MTA1: variants seen among roughly 807,000 people sequenced by gnomAD.
The protein encoded by MTA1 is metastasis-associated protein MTA1.
In MTA1, 15 loss-of-function variants were observed where a neutral mutation model predicts 97.0. The ratio of observed to expected loss-of-function variants is 0.15; its 90% confidence interval spans 0.10 to 0.24. The LOEUF is 0.24. Ranked by LOEUF, MTA1 falls within the 10% of genes least tolerant of loss-of-function variation. The pLI is 1.00. For missense variants in MTA1, 709 were observed against 1,015.1 expected, an observed-to-expected ratio of 0.70 and a Z score of 4.10; for synonymous variants, 435 against 417.5, an observed-to-expected ratio of 1.04 and a Z score of -0.51.
In MTA1 at chr14:105,470,248, C is replaced by G. The variant is rs587728435; in HGVS notation, c.*33C>G. The G allele has an allele frequency of 2.8e-6, 4 of 1,434,946 alleles. No homozygotes were observed. The highest frequency in any genetic ancestry group is 9.1e-7 in the Non-Finnish European group (1 of 1,100,598). 88.9% of individuals were successfully genotyped at this position (1,434,946 alleles called of 1,614,324 possible). On this transcript the variant is annotated 3_prime_UTR_variant, in exon 21 of 21. Transcript: ENST00000331320. ...CCCCACCTGCGGCCGCCCCCCGCCC[C>G]TCGCCCGCCCACACGGCCCCTTCCC...
At chr14:105,441,840 A>G (rs1413748303) in intron 2 of MTA1, among the ~76,000 whole-genome samples, 1 of 152,200 alleles carries the variant, frequency 6.6e-6, no homozygotes, top group Non-Finnish European at 1.5e-5. Context: ...GGGCCAGTGC[A>G]GGGAACAGAA....
intron 1 of MTA1, among the ~76,000 whole-genome samples, chr14:105,432,816 T>C (rs781947644): frequency 2.6e-5 from 4 of 152,232 alleles, no homozygotes; most frequent in Non-Finnish European, 4.4e-5. Flanking sequence ...AGGCAAAGTC[T>C]GCATTGCCAC....
At chr14:105,466,402 T>C (rs1555432784) in intron 16 of MTA1, 24 bp from the exon 17 acceptor site, 1 of 1,591,362 alleles carries the variant, frequency 6.3e-7, no homozygotes, top group Non-Finnish European at 8.6e-7. Flanking sequence ...AGGCAACTCG[T>C]TCTGCCTGTG....
chr14:105,468,040 C>T (rs1012531669), intron 18 of MTA1: 11 of 336,044 alleles, frequency 3.3e-5, no homozygotes, highest in Non-Finnish European at 5.9e-5. Context: ...AGAGGAAGCG[C>T]CTGTCCTGAC....
In MTA1 at chr14:105,460,912, G is replaced by A; in HGVS notation, c.901G>A (p.Glu301Lys). ...SEANLFEEAL[E>K]KYGKDFTDIQ... ...GGCCAACCTTTTCGAGGAAGCCCTG[G>A]AAAAATATGGGAAGGATTTCACGGA... The change falls in exon 10 of 21, where the codon GAA becomes AAA. Residue 301 changes from glutamate (E) to lysine (K), a missense_variant. Glu to Lys is a moderately conservative substitution (Grantham distance 56). Transcript: ENST00000331320. 6.2e-7 allele frequency: 1 copy of A among 1,612,752 alleles called. No homozygotes were observed. The highest frequency in any genetic ancestry group is 1.1e-5 in the South Asian group (1 of 90,916).
chr14:105,468,192 C>T (rs911139589), intron 18 of MTA1: 12 of 756,162 alleles, frequency 1.6e-5, no homozygotes, highest in Non-Finnish European at 2.4e-5. Context: ...TGCCTGCCCA[C>T]AGCACGGGGC....
In MTA1 at chr14:105,420,087, C is replaced by T; in HGVS notation, c.28+24C>T. ...AGGTAAGGCCGCACCGCCTTTATGC[C>T]CGGCCCCGACCCGCCCGCAGCCCCC... On this transcript the variant is annotated intron_variant, in intron 1 of 20. Transcript: ENST00000331320. This position sits in a 1 kb window ranked among gnomAD's most constrained non-coding sequence, Gnocchi z 5.3. The T allele has an allele frequency of 1.9e-6, 2 of 1,046,162 alleles. No homozygotes were observed. Among genetic ancestry groups the T allele is most frequent in the Admixed American group, 4.8e-5 (1 of 20,910 alleles). The allele number at this position is 1,046,162 out of a possible 1,614,324, so 64.8% of individuals were successfully genotyped here. A position where few individuals can be genotyped will look rare whatever the true frequency, so the allele number is the denominator to read the frequency against.
rs147236523 is a variant in MTA1, at chr14:105,456,999, G to A, written c.551-1271G>A. On this transcript the variant is annotated intron_variant, in intron 7 of 20. Coordinates refer to ENST00000331320, the MANE Select transcript of MTA1 (RefSeq NM_004689.4). The stretch of plus-strand genomic sequence containing the variant: ...AGCCAGTGCCCCTTAGCGAGGGATA[G>A]CATTTTCTTGGGGACTTTCTAGTCT... Among the ~76,000 whole-genome samples the A allele has an allele frequency of 1.4e-3, 213 of 152,380 alleles. 1 individual carries two copies. The highest frequency in any genetic ancestry group is 2.2e-3 in the Admixed American group (34 of 15,310).
Position 105,465,189 on chromosome 14 carries a change from C to T in MTA1, c.1624+6C>T. 4 of 1,513,138 alleles carry T rather than the reference C, an allele frequency of 2.6e-6. No homozygotes were observed. The South Asian group carries it at 3.6e-5, about 14-fold the overall frequency. The allele number at this position is 1,513,138 out of a possible 1,614,324, so 93.7% of individuals were successfully genotyped here. On this transcript the variant is annotated splice_donor_region_variant and intron_variant, in intron 16 of 20. Coordinates refer to ENST00000331320, the MANE Select transcript of MTA1 (RefSeq NM_004689.4). ...AGCCGTGCTTCGGTATCTTGGTGAG[C>T]AGCCAGGCGTGCTGGGGGGCTCCCA...
intron 18 of MTA1, chr14:105,468,483 C>A: frequency 1.2e-6 from 1 of 840,730 alleles, no homozygotes; most frequent in Non-Finnish European, 1.7e-6. Context: ...CCCTGCCCGG[C>A]AGAGCTAAGC....
chr14:105,462,495 C>A (rs187655765), intron 10 of MTA1, among the ~76,000 whole-genome samples: 3 of 151,116 alleles, frequency 2.0e-5, no homozygotes, highest in Non-Finnish European at 4.4e-5. Context: ...CTTGAACCCC[C>A]GGGGGTGGAA....
At position 105,427,939 on chromosome 14, in the gene MTA1, G is replaced by T. The variant is rs189974566; in HGVS notation, c.28+7876G>T. ...AGGCCGAGGCATGAGAATCACTTGC[G>T]TGCAGGACGCAGAGGTTGCAGTGAG... On this transcript the variant is annotated intron_variant, in intron 1 of 20. Coordinates refer to ENST00000331320, the MANE Select transcript of MTA1 (RefSeq NM_004689.4). Among the ~76,000 whole-genome samples, 13 of 148,700 alleles carry T rather than the reference G, an allele frequency of 8.7e-5. 1 individual carries two copies. The highest frequency in any genetic ancestry group is 3.4e-4 in the African/African-American group (13 of 38,728).
At chr14:105,454,412 CAT>C in intron 7 of MTA1, 102 bp downstream of exon 7, 1 of 835,182 alleles carries the variant, frequency 1.2e-6, no homozygotes, top group Middle Eastern at 3.4e-4. Flanking sequence ...GTCAGTGATT[CAT>C]GTGTGACTGG....
At chr14:105,440,424 G>C (rs1555425354) in intron 2 of MTA1, among the ~76,000 whole-genome samples, 3 of 152,244 alleles carry the variant, frequency 2.0e-5, no homozygotes, top group African/African-American at 7.2e-5. Flanking sequence ...AGGCAACCCG[G>C]GGCGGGAGGC....
chr14:105,445,708 G>A lies in MTA1; in HGVS notation c.190+197G>A, dbSNP rs979829736. 5.7e-5 allele frequency: 40 copies of A among 703,616 alleles called. 1 individual carries two copies. The highest frequency in any genetic ancestry group is 1.0e-4 in the Non-Finnish European group (39 of 380,012). 43.6% of individuals were successfully genotyped at this position (703,616 alleles called of 1,614,324 possible). A position where few individuals can be genotyped will look rare whatever the true frequency, so the allele number is the denominator to read the frequency against. On this transcript the variant is annotated intron_variant, in intron 3 of 20. Transcript: ENST00000331320. The stretch of plus-strand genomic sequence containing the variant: ...GGCTCCGTTTCCTCGGGGGCTGGGT[G>A]AATGAAGTCCTCGCACGCCCCCCGG...
chr14:105,439,323 T>A (rs1457369941), intron 2 of MTA1, among the ~76,000 whole-genome samples: 1 of 151,746 alleles, frequency 6.6e-6, no homozygotes, highest in Non-Finnish European at 1.5e-5. Flanking sequence ...CTGCCATGAG[T>A]CCTTGGCAGT....
chr14:105,469,022 G>A, intron 18 of MTA1: 1 of 365,906 alleles, frequency 2.7e-6, no homozygotes, highest in Non-Finnish European at 5.5e-6. Context: ...GCCGGGGCTG[G>A]CGGCTCTCTC....
intron 18 of MTA1, chr14:105,468,866 C>G (rs1025485913): frequency 7.2e-6 from 2 of 278,424 alleles, no homozygotes; most frequent in African/African-American, 2.3e-5. Context: ...GGAGCATGGA[C>G]CCCGCTTCTT....
At position 105,464,066 on chromosome 14, in the gene MTA1, AACG is replaced by A. The variant is rs782039275; in HGVS notation, c.1112_1114del (p.Asn371_Val372delinsIle). The A allele has an allele frequency of 1.2e-6, 2 of 1,612,558 alleles. No homozygotes were observed. Among genetic ancestry groups the A allele is most frequent in the Admixed American group, 3.3e-5 (2 of 60,000 alleles). On this transcript the variant is annotated inframe_deletion, in exon 13 of 21. Transcript: ENST00000331320. The stretch of plus-strand genomic sequence containing the variant: ...AAATCCGAACCAAATCAGCGTCAAC[AACG>A]TCAAGGCCGGTGTGGTGAACGGCAC...
Sources: allele counts gnomAD v4.1 joint callset (sites outside exome capture counted in the v4.1 genomes callset), GRCh38; gene constraint gnomAD v4.1.1; non-coding constraint Gnocchi (gnomAD v3.1); transcripts MANE v1.5; gene names NCBI Gene and HGNC (gene_info 2026-07-23, HGNC 2026-07-21).